Variants in MYO15A observed in about 807,000 individuals in gnomAD.
MYO15A encodes myosin XVA.
MYO15A carries 308 observed loss-of-function variants against 394.6 expected under a neutral mutation model. The ratio of observed to expected loss-of-function variants is 0.78; its 90% CI spans 0.71 to 0.86. The LOEUF is 0.86. Ranked by LOEUF, MYO15A falls within the 40% of genes least tolerant of loss-of-function variation. MYO15A has a pLI of 0.00. For synonymous variants in MYO15A, 1,957 were observed against 2,003.8 expected, an observed-to-expected ratio of 0.98 and a Z score of 0.62; for missense variants, 4,606 against 4,799.1, an observed-to-expected ratio of 0.96 and a Z score of 1.19.
intron 51 of MYO15A, 162 bp from the exon 52 acceptor site, chr17:18,158,361 A>G (rs1462252040): frequency 3.3e-6 from 2 of 614,924 alleles, no homozygotes; most frequent in African/African-American, 4.1e-5. Context: ...GGGCGGGCTG[A>G]AGGGGTAAGA....
At chr17:18,123,751 G>T (rs1172778449) in intron 2 of MYO15A, 1 of 154,484 alleles carries the variant, frequency 6.5e-6, no homozygotes, top group African/African-American at 2.4e-5. Flanking sequence ...CTCTGCCCAT[G>T]TGCACAGACG....
In MYO15A at chr17:18,149,593, T is replaced by G. The variant is rs775809025; in HGVS notation, c.7212+13T>G. 97 of 1,613,022 alleles carry G rather than the reference T, an allele frequency of 6.0e-5. No homozygotes were observed. The highest frequency in any genetic ancestry group is 7.9e-5 in the Non-Finnish European group (93 of 1,179,244). On this transcript the variant is annotated intron_variant, in intron 35 of 65. Coordinates refer to ENST00000647165, the MANE Select transcript of MYO15A (RefSeq NM_016239.4). Reference sequence around the variant, plus strand: ...CTACGGGGATGCGGTAGGGATGGTGTGGGGTGGGTCATTTGCAGACAGCAG... The same window carrying G: ...CTACGGGGATGCGGTAGGGATGGTGGGGGGTGGGTCATTTGCAGACAGCAG...
intron 22 of MYO15A, 145 bp from the exon 23 acceptor site, chr17:18,141,507 CT>C (rs34617776): frequency 1.2e-6 from 1 of 823,846 alleles, no homozygotes. Context: ...GATGGAGTGC[CT>C]TTTTTCAGAT....
At chr17:18,131,123 C>CATA in intron 8 of MYO15A, 116 bp from the exon 9 acceptor site, 1 of 951,856 alleles carries the variant, frequency 1.1e-6, no homozygotes, top group Non-Finnish European at 1.6e-6. Flanking sequence ...GGTCATCTCT[C>CATA]ATAAAGGGAG....
chr17:18,173,256 T>A (rs2046967467), intron 64 of MYO15A, among the ~76,000 whole-genome samples: 1 of 152,166 alleles, frequency 6.6e-6, no homozygotes, highest in Non-Finnish European at 1.5e-5. Context: ...ACTCTGACTT[T>A]CCCTGTATGT....
Position 18,153,931 on chromosome 17 carries a change from A to C in MYO15A, c.8088+35A>C, listed in dbSNP as rs934984099. 3.1e-6 allele frequency: 5 copies of C among 1,612,926 alleles called. No homozygotes were observed. Among genetic ancestry groups the C allele is most frequent in the Non-Finnish European group, 4.2e-6 (5 of 1,179,724 alleles). On this transcript the variant is annotated intron_variant, in intron 43 of 65. Coordinates refer to ENST00000647165, the MANE Select transcript of MYO15A (RefSeq NM_016239.4). The surrounding 1 kb of genome is among the most constrained non-coding windows in gnomAD (Gnocchi z 4.1). ...ACAGCCGTAGCCAGGGGAGGGGCTG[A>C]AGCGGGGCAGGGGAGGGGCTGAAGC...
Position 18,142,196 on chromosome 17 carries a change from C to T in MYO15A, c.5767C>T (p.Arg1923Cys), listed in dbSNP as rs753471215. The change falls in exon 24 of 66, where the codon CGC becomes TGC. Residue 1923 changes from arginine to cysteine, a missense_variant. Around this residue, in one of 2 missense-constraint regions of MYO15A, gnomAD observed 2,776 missense variants for 3,109.3 expected, o/e 0.89. Transcript: ENST00000647165. Reference sequence around the variant, plus strand: ...TGGCTTCTTCATTAAGCGGCGATTCCGCTCTCTGCGCCACAAGATCATCCT... The same window carrying T: ...TGGCTTCTTCATTAAGCGGCGATTCTGCTCTCTGCGCCACAAGATCATCCT... The part of the protein sequence containing the change: ...LRGFFIKRRF[R>C]SLRHKIILLQ... 3.5e-5 allele frequency: 57 copies of T among 1,613,568 alleles called. No individual in the cohort carries two copies. The highest frequency in any genetic ancestry group is 2.4e-4 in the South Asian group (22 of 91,064).
At chr17:18,154,072 G>T in intron 43 of MYO15A, 59 bp from the exon 44 acceptor site, 1 of 1,608,868 alleles carries the variant, frequency 6.2e-7, no homozygotes, top group Non-Finnish European at 8.5e-7. Flanking sequence ...GGCGGGGCCG[G>T]GTGTGAAGCA....
intron 52 of MYO15A, 21 bp from the exon 53 acceptor site, chr17:18,158,904 A>G (rs748118250): frequency 1.1e-5 from 17 of 1,613,710 alleles, no homozygotes; most frequent in Non-Finnish European, 1.4e-5. Context: ...ACAGGTCAGT[A>G]GCACCCACCT....
chr17:18,113,127 G>A (rs1029911471), intron 1 of MYO15A, among the ~76,000 whole-genome samples: 1 of 152,082 alleles, frequency 6.6e-6, no homozygotes. Flanking sequence ...AGGATTACAG[G>A]TGTGAGCCAC....
rs1381420106 is a variant in MYO15A, at chr17:18,139,482, T to C, written c.5134-52T>C. ...GAGGAGGATCCAGTCCCTCCTAGGA[T>C]AGACAGAGAGACAGAGGCCAGGATT... On this transcript the variant is annotated intron_variant, in intron 18 of 65. Coordinates refer to ENST00000647165, the MANE Select transcript of MYO15A (RefSeq NM_016239.4). The C allele has an allele frequency of 2.5e-6, 4 of 1,576,410 alleles. No individual in the cohort carries two copies. In the African/African-American group the frequency reaches 4.0e-5, roughly 16 times the overall value.
intron 65 of MYO15A, among the ~76,000 whole-genome samples, chr17:18,174,910 G>A (rs1299217088): frequency 2.0e-5 from 3 of 152,132 alleles, no homozygotes; most frequent in East Asian, 3.8e-4. Flanking sequence ...GACAGGACCA[G>A]ACAAAGTCTC....
chr17:18,146,667 G>A (rs1488934495), intron 30 of MYO15A, among the ~76,000 whole-genome samples: 1 of 152,218 alleles, frequency 6.6e-6, no homozygotes, highest in African/African-American at 2.4e-5. Flanking sequence ...GCTCAGGCCT[G>A]TAATCCCAGC....
At position 18,135,748 on chromosome 17, in the gene MYO15A, G is replaced by T. The variant is rs764263371; in HGVS notation, c.4520G>T (p.Arg1507Leu). The change falls in exon 13 of 66, where the codon CGA (arginine) becomes CTA (leucine). Residue 1507 changes from arginine (R) to leucine (L), a missense_variant. Transcript: ENST00000647165. ...AQEVASVVSAREIQAVAELLQ... is the reference protein window; with the variant it reads ...AQEVASVVSALEIQAVAELLQ... ...GAGGTGGCCTCAGTGGTGAGTGCCC[G>T]AGAGATCCAGGCCGTGGCAGAGCTG... The T allele has an allele frequency of 7.4e-6, 12 of 1,614,148 alleles. No individual in the cohort carries two copies. Among genetic ancestry groups the T allele is most frequent in the East Asian group, 6.7e-5 (3 of 44,886 alleles).
In MYO15A at chr17:18,126,844, A is replaced by G. The variant is rs1348999084; in HGVS notation, c.3920A>G (p.Gln1307Arg). 1.9e-6 allele frequency: 3 copies of G among 1,613,970 alleles called. No homozygotes were observed. The highest frequency in any genetic ancestry group is 4.5e-5 in the East Asian group (2 of 44,800). The stretch of plus-strand genomic sequence containing the variant: ...TTCGCCAAAATGCTCGATGCCAAAC[A>G]GAACCAGTGCATAATCATTAGGTGA... ...LAFAKMLDAK[Q>R]NQCIIISGES... is the part of the protein sequence containing the mutation. The change falls in exon 6 of 66, where the codon CAG (glutamine) becomes CGG (arginine). Residue 1307 changes from glutamine (Q) to arginine (R), a missense_variant. Physicochemically the swap from Gln to Arg is conservative, Grantham distance 43 (BLOSUM62 1). Around this residue, in one of 2 missense-constraint regions of MYO15A, gnomAD observed 2,776 missense variants for 3,109.3 expected, o/e 0.89. Transcript: ENST00000647165.
Position 18,155,433 on chromosome 17 carries a change from G to C in MYO15A, c.8459+1G>C, listed in dbSNP as rs766086143. The C allele has an allele frequency of 6.2e-7, 1 of 1,612,180 alleles. No homozygotes were observed. The highest frequency in any genetic ancestry group is 1.7e-5 in the Admixed American group (1 of 60,030). On this transcript the variant is annotated splice_donor_variant, in intron 47 of 65. Transcript: ENST00000647165. LOFTEE classifies it high-confidence loss of function. ...AGCTGCGGGTCCTGCGTGCATACAG[G>C]TGACCAGCAGGGGTGAAGTGGGGCT...
rs1597748342 is a variant in MYO15A at position 18,119,258 on chromosome 17, A to G, written c.458A>G (p.Gln153Arg). ...AAGGCCGAGGAGTCGGGCAGCGAAC[A>G]GGCCACAGTGGACGCCTGGCTGCAG... ...LKKAEESGSE[Q>R]ATVDAWLQRS... Residue 153 changes from glutamine (Q) to arginine (R), a missense_variant, in exon 2 of 66, where the codon CAG (glutamine) becomes CGG (arginine). Coordinates refer to ENST00000647165, the MANE Select transcript of MYO15A (RefSeq NM_016239.4). 1 of 1,612,326 alleles carries G rather than the reference A, an allele frequency of 6.2e-7. No individual in the cohort carries two copies. Among genetic ancestry groups the G allele is most frequent in the South Asian group, 1.1e-5 (1 of 91,082 alleles).
rs1555549586 is a variant in MYO15A at position 18,178,826 on chromosome 17, G to A, written c.10549G>A (p.Glu3517Lys). 6.2e-7 allele frequency: 1 copy of A among 1,613,922 alleles called. No homozygotes were observed. The highest frequency in any genetic ancestry group is 8.5e-7 in the Non-Finnish European group (1 of 1,180,018). The change falls in exon 66 of 66, where the codon GAG (glutamate) becomes AAG (lysine). Residue 3517 changes from glutamate (E) to lysine (K), a missense_variant. Glu to Lys is a moderately conservative substitution (Grantham distance 56). Coordinates refer to ENST00000647165, the MANE Select transcript of MYO15A (RefSeq NM_016239.4). ...VHVENLLSAH[E>K]KRLTLPPSEI... is the part of the protein sequence containing the mutation. The stretch of plus-strand genomic sequence containing the variant: ...CGTGGAGAACCTGCTCAGTGCCCAT[G>A]AGAAGCGGCTCACATTGCCCCCCAG...
intron 1 of MYO15A, among the ~76,000 whole-genome samples, chr17:18,110,973 G>A (rs1411697544): frequency 6.6e-6 from 1 of 152,226 alleles, no homozygotes; most frequent in African/African-American, 2.4e-5. Context: ...TGGACCTCCA[G>A]TGCAGTGTTT....
Sources: allele counts gnomAD v4.1 joint callset (sites outside exome capture counted in the v4.1 genomes callset), GRCh38; gene constraint gnomAD v4.1.1; regional missense constraint gnomAD v4.1.1; non-coding constraint Gnocchi (gnomAD v3.1); transcripts MANE v1.5; gene names NCBI Gene and HGNC (gene_info 2026-07-23, HGNC 2026-07-21).